HPSE2: variants seen among roughly 807,000 people sequenced by gnomAD.
HPSE2 encodes heparanase 2 (inactive), also known as inactive heparanase-2.
A neutral mutation model predicts 60.5 loss-of-function variants in HPSE2; 38 were observed. The ratio of observed to expected loss-of-function variants is 0.63; its 90% CI spans 0.48 to 0.82. The LOEUF is 0.82. Among genes scored for constraint, HPSE2 ranks in the 40% least tolerant of loss-of-function variants. The pLI, the probability that HPSE2 is intolerant of heterozygous loss-of-function variation, is 0.00. For missense variants in HPSE2, 713 were observed against 740.4 expected, an observed-to-expected ratio of 0.96 and a Z score of 0.43; for synonymous variants, 295 against 293.2, an observed-to-expected ratio of 1.01 and a Z score of -0.06.
intron 6 of HPSE2, among the ~76,000 whole-genome samples, chr10:98,648,189 C>T (rs1335037804): frequency 6.6e-6 from 1 of 152,132 alleles, no homozygotes; most frequent in Non-Finnish European, 1.5e-5. Flanking sequence ...AAGCCCAGAC[C>T]CTTTTCCCCA....
intron 9 of HPSE2, among the ~76,000 whole-genome samples, chr10:98,537,883 C>G (rs1457845314): frequency 6.6e-6 from 1 of 152,368 alleles, no homozygotes; most frequent in Non-Finnish European, 1.5e-5. Flanking sequence ...TCATGTTCCT[C>G]CCATACTCCT....
chr10:99,092,248 C>G (rs1000642488), intron 3 of HPSE2, among the ~76,000 whole-genome samples: 2 of 152,084 alleles, frequency 1.3e-5, no homozygotes. Flanking sequence ...CTAATAAAAT[C>G]CCACAGAATT....
chr10:98,515,739 T>C (rs903504256), intron 9 of HPSE2, among the ~76,000 whole-genome samples: 1 of 152,222 alleles, frequency 6.6e-6, no homozygotes, highest in Admixed American at 6.5e-5. Flanking sequence ...TTTTAAGATA[T>C]ATACACATAT....
intron 5 of HPSE2, among the ~76,000 whole-genome samples, chr10:98,706,140 T>C (rs17110699): frequency 0.012 from 1,823 of 152,230 alleles, 26 homozygotes; most frequent in African/African-American, 0.041. Context: ...CTCAAATTCA[T>C]GTAGTTAGTG....
At chr10:98,984,540 GA>G (rs1170685174) in intron 3 of HPSE2, among the ~76,000 whole-genome samples, 1 of 152,130 alleles carries the variant, frequency 6.6e-6, no homozygotes, top group East Asian at 1.9e-4. Flanking sequence ...CAAAGATGGG[GA>G]AAAAACAGAG....
intron 9 of HPSE2, among the ~76,000 whole-genome samples, chr10:98,521,962 A>T (rs1942807914): frequency 6.6e-6 from 1 of 152,090 alleles, no homozygotes; most frequent in South Asian, 2.1e-4. Context: ...GGCGGGGAAC[A>T]TCACACACCG....
intron 2 of HPSE2, among the ~76,000 whole-genome samples, chr10:99,224,111 G>A (rs1849398825): frequency 6.6e-6 from 1 of 151,974 alleles, no homozygotes; most frequent in South Asian, 2.1e-4. Context: ...CCAATATCTA[G>A]CACTAAGTCT....
chr10:98,488,400 C>T (rs941053954), intron 10 of HPSE2, among the ~76,000 whole-genome samples: 7 of 152,156 alleles, frequency 4.6e-5, no homozygotes, highest in African/African-American at 1.7e-4. Flanking sequence ...CTATATTAGA[C>T]ACCAAGAATA....
intron 2 of HPSE2, among the ~76,000 whole-genome samples, chr10:99,217,786 A>G (rs1043787086): frequency 6.6e-6 from 1 of 152,016 alleles, no homozygotes; most frequent in African/African-American, 2.4e-5. Context: ...GGGTCCCCCT[A>G]TGTTGCCTAG....
chr10:99,000,593 T>C (rs1339446893), intron 3 of HPSE2, among the ~76,000 whole-genome samples: 2 of 152,078 alleles, frequency 1.3e-5, no homozygotes, highest in Non-Finnish European at 2.9e-5. Context: ...GAAAAGACTA[T>C]TTGATTTGAC....
intron 3 of HPSE2, among the ~76,000 whole-genome samples, chr10:98,775,818 T>C (rs1039445977): frequency 4.6e-5 from 7 of 152,200 alleles, no homozygotes; most frequent in African/African-American, 1.7e-4. Flanking sequence ...GCATTTCAAC[T>C]GGTGCATGTG....
chr10:98,705,768 C>G (rs4288690), intron 5 of HPSE2, among the ~76,000 whole-genome samples: 1 of 151,538 alleles, frequency 6.6e-6, no homozygotes, highest in Non-Finnish European at 1.5e-5. Context: ...GGTGGGGGAG[C>G]GAGGAGAGGG....
At chr10:98,837,873 CAA>C (rs71488870) in intron 3 of HPSE2, among the ~76,000 whole-genome samples, 4 of 134,974 alleles carry the variant, frequency 3.0e-5, no homozygotes, top group African/African-American at 2.9e-5. Context: ...GACTCCATCT[CAA>C]AAAAAAAAAA....
intron 3 of HPSE2, among the ~76,000 whole-genome samples, chr10:98,819,330 A>G (rs1276215899): frequency 6.6e-6 from 1 of 151,882 alleles, no homozygotes; most frequent in Non-Finnish European, 1.5e-5. Flanking sequence ...TGAAGTACTG[A>G]AAAAAAATGC....
intron 9 of HPSE2, among the ~76,000 whole-genome samples, chr10:98,544,712 CAAAAAAAAAAAAAAA>C (rs58604325): frequency 1.4e-5 from 1 of 71,022 alleles, no homozygotes; most frequent in African/African-American, 6.0e-5. Flanking sequence ...GACTCCGTCT[CAAAAAAAAAAAAAAA>C]AAAAAAAAAA....
At chr10:98,557,847 G>T (rs1039622531) in intron 9 of HPSE2, among the ~76,000 whole-genome samples, 7 of 152,122 alleles carry the variant, frequency 4.6e-5, no homozygotes, top group Non-Finnish European at 2.9e-5. Context: ...TATTTGGGAG[G>T]CTGAGGCAGG....
In HPSE2 at chr10:99,168,037, C is replaced by A. The variant is rs185419825; in HGVS notation, c.449-23638G>T. ...GAGAGTTTTTATCATGAATGGATAC[C>A]GAATTTTATCAAATGCTTTCTCTGC... On this transcript the variant is annotated intron_variant, in intron 2 of 11. Coordinates refer to ENST00000370552, the MANE Select transcript of HPSE2 (RefSeq NM_021828.5). Among the ~76,000 whole-genome samples, 7 of 146,994 alleles carry A rather than the reference C, an allele frequency of 4.8e-5. No individual in the cohort carries two copies. The East Asian group carries it at 1.5e-3, about 30-fold the overall frequency.
chr10:99,275,966 C>T, the HPSE2 span, among the ~76,000 whole-genome samples: 1 of 152,032 alleles, frequency 6.6e-6, no homozygotes. Context: ...AAAAGCACAT[C>T]GTATCATGGA....
At chr10:99,057,942 T>C (rs1218381789) in intron 3 of HPSE2, among the ~76,000 whole-genome samples, 1 of 152,206 alleles carries the variant, frequency 6.6e-6, no homozygotes, top group Admixed American at 6.5e-5. Flanking sequence ...GTCTTCCAAT[T>C]TTCCTTCGCA....
Sources: allele counts gnomAD v4.1 joint callset (sites outside exome capture counted in the v4.1 genomes callset), GRCh38; gene constraint gnomAD v4.1.1; transcripts MANE v1.5; gene names NCBI Gene and HGNC (gene_info 2026-07-23, HGNC 2026-07-21).